ZFP1: variants seen among roughly 807,000 people sequenced by gnomAD.
ZFP1 encodes the protein ZFP1 zinc finger protein.
A neutral mutation model predicts 38.5 loss-of-function variants in ZFP1; 32 were observed. The ratio of observed to expected loss-of-function variants is 0.83; its 90% CI spans 0.63 to 1.12. The LOEUF is 1.12. ZFP1 is among the 50% of genes most tolerant of loss of function. The probability of loss-of-function intolerance (pLI) is 0.00; values close to 1 mark genes in which losing one functional copy is unlikely to be tolerated. For missense variants in ZFP1, 616 were observed against 480.8 expected, an observed-to-expected ratio of 1.28 and a Z score of -2.63; for synonymous variants, 245 against 168.8, an observed-to-expected ratio of 1.45 and a Z score of -3.50.
the ZFP1 span, among the ~76,000 whole-genome samples, chr16:75,133,236 C>T: frequency 1.3e-5 from 2 of 152,188 alleles, no homozygotes; most frequent in East Asian, 1.9e-4. Context: ...TTTGGCCTCC[C>T]AAAGTGCTGG....
At position 75,148,524 on chromosome 16, in the gene ZFP1, GC is replaced by G. The variant is rs1300957081; in HGVS notation, c.-160del. ...CAGTGCTGCGAGCGCGCCGGTGGCC[GC>G]CCTTCCCCCACCACCAGCGGCGAGT... On this transcript the variant is annotated 5_prime_UTR_variant, in exon 1 of 4. Coordinates refer to ENST00000570010, the MANE Select transcript of ZFP1 (RefSeq NM_153688.4). The G allele has an allele frequency of 6.6e-6, 1 of 152,294 alleles. No homozygotes were observed. Among genetic ancestry groups the G allele is most frequent in the African/African-American group, 2.4e-5 (1 of 41,456 alleles). 9.4% of individuals were successfully genotyped at this position (152,294 alleles called of 1,614,324 possible). A position where few individuals can be genotyped will look rare whatever the true frequency, so the allele number is the denominator to read the frequency against.
the ZFP1 span, among the ~76,000 whole-genome samples, chr16:75,120,061 T>C: frequency 1.3e-5 from 2 of 152,230 alleles, no homozygotes; most frequent in Non-Finnish European, 2.9e-5. Flanking sequence ...TAATGAGATT[T>C]TAAAAGATTT....
At chr16:75,168,387 G>A (rs1385727685) in intron 3 of ZFP1, among the ~76,000 whole-genome samples, 1 of 151,506 alleles carries the variant, frequency 6.6e-6, no homozygotes, top group East Asian at 2.0e-4. Context: ...GGAATATTGA[G>A]AGTATCCCTT....
intron 2 of ZFP1, among the ~76,000 whole-genome samples, chr16:75,163,904 C>T (rs574537768): frequency 5.4e-4 from 82 of 152,302 alleles, no homozygotes; most frequent in East Asian, 3.9e-3. Flanking sequence ...GCCACAGCAC[C>T]GGCACTGTTT....
At chr16:75,150,957 C>T (rs1051740804) in intron 1 of ZFP1, among the ~76,000 whole-genome samples, 4 of 152,048 alleles carry the variant, frequency 2.6e-5, no homozygotes, top group African/African-American at 7.2e-5. Context: ...CAGGTGTGCG[C>T]CCTAATCCTT....
intron 2 of ZFP1, among the ~76,000 whole-genome samples, chr16:75,158,351 AT>A (rs1172025125): frequency 6.8e-6 from 1 of 146,482 alleles, no homozygotes; most frequent in East Asian, 2.0e-4. Flanking sequence ...TTTTTTTTTA[AT>A]TTTTTTTATT....
chr16:75,171,232 G>A lies in ZFP1; in HGVS notation c.*898G>A, dbSNP rs923830941. 4 of 152,050 alleles carry A rather than the reference G, an allele frequency of 2.6e-5. No homozygotes were observed. The highest frequency in any genetic ancestry group is 7.2e-5 in the African/African-American group (3 of 41,380). 9.4% of individuals were successfully genotyped at this position (152,050 alleles called of 1,614,324 possible). ...AAACCACCTGTTTTTGTCTTTCCTT[G>A]TTTCCCTTAATATTTCATGAATTGT... On this transcript the variant is annotated 3_prime_UTR_variant, in exon 4 of 4. Coordinates refer to ENST00000570010, the MANE Select transcript of ZFP1 (RefSeq NM_153688.4).
the ZFP1 span, among the ~76,000 whole-genome samples, chr16:75,140,730 C>G: frequency 6.6e-6 from 1 of 152,170 alleles, no homozygotes; most frequent in Non-Finnish European, 1.5e-5. Flanking sequence ...GAGGCCAAGG[C>G]GGGCGGATCA....
At chr16:75,160,864 G>A (rs578260743) in intron 2 of ZFP1, among the ~76,000 whole-genome samples, 7 of 152,052 alleles carry the variant, frequency 4.6e-5, no homozygotes, top group South Asian at 2.1e-4. Flanking sequence ...ATCAAGCCCC[G>A]TTAGAAGGGC....
the ZFP1 span, among the ~76,000 whole-genome samples, chr16:75,128,936 G>T: frequency 6.6e-6 from 1 of 152,108 alleles, no homozygotes; most frequent in Non-Finnish European, 1.5e-5. Flanking sequence ...GATTACAGGA[G>T]TGCACCACCA....
chr16:75,169,838 C>A lies in ZFP1; in HGVS notation c.728C>A (p.Pro243Gln). The A allele has an allele frequency of 6.2e-7, 1 of 1,613,992 alleles. No homozygotes were observed. The highest frequency in any genetic ancestry group is 8.5e-7 in the Non-Finnish European group (1 of 1,179,998). The change falls in exon 4 of 4, where the codon CCG becomes CAG. Residue 243 changes from proline (P) to glutamine (Q), a missense_variant. Coordinates refer to ENST00000570010, the MANE Select transcript of ZFP1 (RefSeq NM_153688.4). ...IHTGEKPFEC[P>Q]ECGKAFTHQS... is the part of the protein sequence containing the mutation. ...ACTGGGGAGAAACCTTTCGAGTGTC[C>A]GGAATGTGGAAAAGCTTTCACCCAC...
chr16:75,138,622 G>A, the ZFP1 span, among the ~76,000 whole-genome samples: 4 of 152,208 alleles, frequency 2.6e-5, no homozygotes, highest in Admixed American at 2.6e-4. Flanking sequence ...GGAGTAGAGT[G>A]GGCCCTTAAT....
intron 3 of ZFP1, among the ~76,000 whole-genome samples, chr16:75,169,041 G>GGTTTT (rs1396863105): frequency 1.3e-5 from 2 of 151,856 alleles, no homozygotes; most frequent in Admixed American, 1.3e-4. Flanking sequence ...TATTGATTTT[G>GGTTTT]GTTTTGTTTT....
chr16:75,130,828 T>C, the ZFP1 span, among the ~76,000 whole-genome samples: 1,018 of 152,122 alleles, frequency 6.7e-3, 8 homozygotes, highest in African/African-American at 0.023. Flanking sequence ...TTTTTTTTTT[T>C]TTGGTTGACA....
intron 2 of ZFP1, among the ~76,000 whole-genome samples, chr16:75,159,335 C>T (rs1323828595): frequency 3.1e-4 from 2 of 6,470 alleles, no homozygotes; most frequent in Non-Finnish European, 7.8e-4. Context: ...CCCTCCCTCC[C>T]TCCCTCCCTC....
upstream of ZFP1, among the ~76,000 whole-genome samples, chr16:75,147,718 C>G (rs1202786030): frequency 6.6e-6 from 1 of 152,036 alleles, no homozygotes; most frequent in African/African-American, 2.4e-5. Flanking sequence ...ATTTTCTGCT[C>G]AAATTTTGCT....
intron 3 of ZFP1, among the ~76,000 whole-genome samples, chr16:75,167,580 A>G (rs1469846240): frequency 1.3e-5 from 2 of 152,116 alleles, no homozygotes; most frequent in African/African-American, 2.4e-5. Flanking sequence ...TGATGAACCT[A>G]TGAGTGGGCA....
At chr16:75,138,442 A>G in the ZFP1 span, among the ~76,000 whole-genome samples, 79,994 of 152,064 alleles carry the variant, frequency 0.53, 21,927 homozygotes, top group East Asian at 0.7. Context: ...ACACACCTTC[A>G]GCAGGATGAT....
the ZFP1 span, among the ~76,000 whole-genome samples, chr16:75,131,633 C>A: frequency 6.6e-6 from 1 of 152,116 alleles, no homozygotes; most frequent in Non-Finnish European, 1.5e-5. Flanking sequence ...GTTTATATGT[C>A]CACCTCGGTT....
Sources: allele counts gnomAD v4.1 joint callset (sites outside exome capture counted in the v4.1 genomes callset), GRCh38; gene constraint gnomAD v4.1.1; transcripts MANE v1.5; gene names NCBI Gene and HGNC (gene_info 2026-07-23, HGNC 2026-07-21).